Variants in MROH2B observed in about 807,000 individuals in gnomAD.
MROH2B encodes maestro heat-like repeat-containing protein family member 2B.
MROH2B carries 177 observed loss-of-function variants against 208.6 expected under a neutral mutation model. The ratio of observed to expected loss-of-function variants is 0.85; its 90% confidence interval spans 0.75 to 0.96. The LOEUF (loss-of-function observed/expected upper bound fraction) is 0.96. MROH2B is among the 40% of genes least tolerant of loss of function. The pLI, the probability that MROH2B is intolerant of heterozygous loss-of-function variation, is 0.00. For synonymous variants in MROH2B, 728 were observed against 659.0 expected (o/e 1.10, Z -1.60); for missense variants, 2,002 against 1,878.7 (o/e 1.07, Z -1.21).
intron 19 of MROH2B, among the ~76,000 whole-genome samples, chr5:41,041,538 C>T (rs1167373554): frequency 6.6e-6 from 1 of 152,124 alleles, no homozygotes; most frequent in Non-Finnish European, 1.5e-5. Flanking sequence ...GCAGGAGAAT[C>T]ACTTGAACCT....
chr5:41,054,502 CAT>C (rs1448595951), intron 11 of MROH2B, among the ~76,000 whole-genome samples: 1 of 152,190 alleles, frequency 6.6e-6, no homozygotes, highest in African/African-American at 2.4e-5. Flanking sequence ...TTATTCTACT[CAT>C]GTGTTAATCC....
chr5:41,061,674 C>G lies in MROH2B; in HGVS notation c.511G>C (p.Asp171His), dbSNP rs867618129. Residue 171 changes from aspartate (D) to histidine (H), a missense_variant, in exon 6 of 42, where the codon GAT becomes CAT. Asp to His is a moderately conservative substitution (Grantham distance 81, BLOSUM62 -1). Transcript: ENST00000399564. ...GCATCCAGTCTGGGGTAGGGAAAAT[C>G]TCTCCAGTGGTTGACATATTTGTAA... Reference protein sequence around the residue: ...AIYKYVNHWRDFPYPRLDANR... With the variant: ...AIYKYVNHWRHFPYPRLDANR... 2 of 1,613,908 alleles carry G rather than the reference C, an allele frequency of 1.2e-6. No homozygotes were observed. Among genetic ancestry groups the G allele is most frequent in the African/African-American group, 1.3e-5 (1 of 75,044 alleles).
rs935975140 is a variant in MROH2B, at chr5:41,061,469, C to T, written c.615+101G>A. The T allele has an allele frequency of 3.6e-5, 37 of 1,037,856 alleles. No individual in the cohort carries two copies. The Middle Eastern group carries it at 2.2e-3, about 61-fold the overall frequency. 64.3% of individuals were successfully genotyped at this position (1,037,856 alleles called of 1,614,324 possible). ...AAATCTCATAAAATACAACCAATGG[C>T]TTCCAAAAATACTGAGCCTAATTAT... On this transcript the variant is annotated intron_variant, in intron 6 of 41. Transcript: ENST00000399564.
chr5:41,004,220 G>C, intron 37 of MROH2B, 126 bp downstream of exon 37: 1 of 1,049,920 alleles, frequency 9.5e-7, no homozygotes, highest in East Asian at 2.4e-5. Context: ...TTGTCTGCAG[G>C]TGACCTGTCT....
Position 41,019,455 on chromosome 5 carries a change from T to C in MROH2B, c.2442-437A>G, listed in dbSNP as rs539677508. On this transcript the variant is annotated intron_variant, in intron 24 of 41. Transcript: ENST00000399564. Reference sequence around the variant, plus strand: ...TTTATCAATTTCACGTCTCTTTTCATGTTCTAAATAGTGACACATATACTA... The same window carrying C: ...TTTATCAATTTCACGTCTCTTTTCACGTTCTAAATAGTGACACATATACTA... 4.7e-4 allele frequency among the ~76,000 whole-genome samples: 71 copies of C among 152,342 alleles called. 1 individual carries two copies. The highest frequency in any genetic ancestry group is 1.7e-3 in the African/African-American group (71 of 41,580).
chr5:41,005,435 C>T (rs1018694955), intron 35 of MROH2B, 96 bp downstream of exon 35: 1 of 221,442 alleles, frequency 4.5e-6, no homozygotes, highest in Non-Finnish European at 9.3e-6. Context: ...CTTGAAGTCT[C>T]TCTTCCCTGG....
intron 24 of MROH2B, among the ~76,000 whole-genome samples, chr5:41,026,732 C>G (rs1367595912): frequency 6.6e-5 from 10 of 152,194 alleles, no homozygotes; most frequent in Non-Finnish European, 1.5e-4. Context: ...ATTGCCAAGA[C>G]AATCCTAAGC....
intron 2 of MROH2B, 38 bp from the exon 3 acceptor site, chr5:41,067,256 G>C: frequency 2.4e-6 from 3 of 1,252,042 alleles, no homozygotes; most frequent in Middle Eastern, 2.2e-4. Context: ...AATTTGGCTT[G>C]CAAAAATAAA....
At position 41,018,698 on chromosome 5, in the gene MROH2B, AT is replaced by A. The variant is rs765530925; in HGVS notation, c.2665del (p.Met889CysfsTer28). On this transcript the variant is annotated frameshift_variant, in exon 26 of 42. Coordinates refer to ENST00000399564, the MANE Select transcript of MROH2B (RefSeq NM_173489.5). LOFTEE classifies it high-confidence loss of function. ...AGTGGAGGCTCTACTCACATTAAAC[AT>A]TTCTTGACAGTCCTCTGCATTCACA... ...DNVNAEDCQE[M>X]FNLLQMWLVS... 63 of 1,613,732 alleles carry A rather than the reference AT, an allele frequency of 3.9e-5. No individual in the cohort carries two copies. The highest frequency in any genetic ancestry group is 5.0e-5 in the Non-Finnish European group (59 of 1,179,834).
chr5:40,999,089 G>A (rs2111777770), intron 40 of MROH2B, among the ~76,000 whole-genome samples: 1 of 152,286 alleles, frequency 6.6e-6, no homozygotes, highest in African/African-American at 2.4e-5. Context: ...GTTGTCTGTG[G>A]GCTGAATTAG....
Position 41,000,796 on chromosome 5 carries a change from A to T in MROH2B, c.4232T>A (p.Phe1411Tyr). The change falls in exon 38 of 42, where the codon TTT (phenylalanine) becomes TAT (tyrosine). Residue 1411 changes from phenylalanine to tyrosine, a missense_variant. Phe to Tyr is a conservative substitution (Grantham distance 22, BLOSUM62 3). Coordinates refer to ENST00000399564, the MANE Select transcript of MROH2B (RefSeq NM_173489.5). Reference sequence around the variant, plus strand: ...TCCTGTTAGGGGTGCCAGGTCCTCAAATAAGAAGATGGCAGTCAATCTCAC... The same window carrying T: ...TCCTGTTAGGGGTGCCAGGTCCTCATATAAGAAGATGGCAGTCAATCTCAC... ...DDVRLTAIFL[F>Y]EDLAPLTGRR... 6.2e-7 allele frequency: 1 copy of T among 1,611,764 alleles called. No individual in the cohort carries two copies. Among genetic ancestry groups the T allele is most frequent in the Non-Finnish European group, 8.5e-7 (1 of 1,179,044 alleles).
chr5:41,064,750 A>G (rs1743749527), intron 4 of MROH2B, among the ~76,000 whole-genome samples, 180 bp from the exon 5 acceptor site: 1 of 152,198 alleles, frequency 6.6e-6, no homozygotes, highest in Non-Finnish European at 1.5e-5. Context: ...CTGTAGTTAG[A>G]TAATCAAGGA....
Position 41,015,496 on chromosome 5 carries a change from A to T in MROH2B, c.2885-18T>A. 1 of 1,611,562 alleles carries T rather than the reference A, an allele frequency of 6.2e-7. No individual in the cohort carries two copies. ...GTGAATGCCTAAAATCAACAAAGTG[A>T]GAAATGTTTAAGTGTTCAAAGACCT... On this transcript the variant is annotated intron_variant, in intron 28 of 41. Transcript: ENST00000399564.
chr5:41,049,403 G>T lies in MROH2B; in HGVS notation c.1378C>A (p.Pro460Thr), dbSNP rs747052785. 5 of 1,613,228 alleles carry T rather than the reference G, an allele frequency of 3.1e-6. No homozygotes were observed. Among genetic ancestry groups the T allele is most frequent in the Admixed American group, 1.7e-5 (1 of 59,860 alleles). ...LWPRILTFVV[P>T]AEYTEALEPL... is the part of the protein sequence containing the mutation. ...TCCAGAGCTTCTGTGTATTCTGCAGGTACCACAAAAGTCAGGATCCTTGGC... is the reference window on the plus strand; with the variant it reads ...TCCAGAGCTTCTGTGTATTCTGCAGTTACCACAAAAGTCAGGATCCTTGGC... The change falls in exon 14 of 42, where the codon CCT becomes ACT. Residue 460 changes from proline (P) to threonine (T), a missense_variant. Pro to Thr is a conservative substitution (Grantham distance 38). Transcript: ENST00000399564.
At position 41,067,161 on chromosome 5, in the gene MROH2B, C is replaced by T; in HGVS notation, c.148G>A (p.Ala50Thr). Residue 50 changes from alanine to threonine, a missense_variant, in exon 3 of 42, where the codon GCA (alanine) becomes ACA (threonine). Coordinates refer to ENST00000399564, the MANE Select transcript of MROH2B (RefSeq NM_173489.5). ...VIQNTDILDDAIVQRLIYYAS... is the reference protein window; with the variant it reads ...VIQNTDILDDTIVQRLIYYAS... ...TAATAAATCAATCGTTGGACAATTGCATCATCCAAGATGTCAGTATTCTGA... is the reference window on the plus strand; with the variant it reads ...TAATAAATCAATCGTTGGACAATTGTATCATCCAAGATGTCAGTATTCTGA... The T allele has an allele frequency of 1.3e-6, 2 of 1,556,334 alleles. No individual in the cohort carries two copies. The highest frequency in any genetic ancestry group is 1.7e-4 in the Middle Eastern group (1 of 5,996).
chr5:41,068,132 A>C (rs1743868975), intron 2 of MROH2B, among the ~76,000 whole-genome samples: 1 of 152,168 alleles, frequency 6.6e-6, no homozygotes, highest in Non-Finnish European at 1.5e-5. Context: ...GGTGTACTGA[A>C]ATCTCCAACA....
chr5:41,021,387 ATG>A (rs1742142581), intron 24 of MROH2B, among the ~76,000 whole-genome samples: 1 of 152,238 alleles, frequency 6.6e-6, no homozygotes, highest in African/African-American at 2.4e-5. Context: ...TACAGATTTA[ATG>A]TAATTCCTAT....
chr5:41,032,836 A>G lies in MROH2B; in HGVS notation c.2362-15T>C. 1 of 1,606,354 alleles carries G rather than the reference A, an allele frequency of 6.2e-7. No homozygotes were observed. The highest frequency in any genetic ancestry group is 1.1e-5 in the South Asian group (1 of 89,546). ...CTAATGAAGTCCTGAAACATAAATAAGGAGATTAAATGTTTCAGAAAGGCT... is the reference window on the plus strand; with the variant it reads ...CTAATGAAGTCCTGAAACATAAATAGGGAGATTAAATGTTTCAGAAAGGCT... On this transcript the variant is annotated splice_polypyrimidine_tract_variant and intron_variant, in intron 23 of 41. Coordinates refer to ENST00000399564, the MANE Select transcript of MROH2B (RefSeq NM_173489.5).
At chr5:41,033,193 G>C (rs746664392) in intron 22 of MROH2B, 33 bp from the exon 23 acceptor site, 1 of 1,608,994 alleles carries the variant, frequency 6.2e-7, no homozygotes, top group Non-Finnish European at 8.5e-7. Flanking sequence ...GCAAGTCAAG[G>C]TCTAAGACAC....
Sources: allele counts gnomAD v4.1 joint callset (sites outside exome capture counted in the v4.1 genomes callset), GRCh38; gene constraint gnomAD v4.1.1; transcripts MANE v1.5; gene names NCBI Gene and HGNC (gene_info 2026-07-23, HGNC 2026-07-21).